Variants in IGSF11 observed in about 807,000 individuals in gnomAD.
IGSF11 encodes the protein immunoglobulin superfamily member 11.
Under a neutral mutation model 41.0 loss-of-function variants are expected in IGSF11, and 22 were observed. The observed-to-expected ratio is 0.54, with a 90% CI of 0.38 to 0.77. The LOEUF (loss-of-function observed/expected upper bound fraction) is 0.77, where lower values mean the gene tolerates loss of function less well. Among genes scored for constraint, IGSF11 ranks in the 30% least tolerant of loss-of-function variants. The pLI is 0.00. For missense variants in IGSF11, 444 were observed against 530.8 expected, an observed-to-expected ratio of 0.84 and a Z score of 1.61; for synonymous variants, 219 against 201.3, an observed-to-expected ratio of 1.09 and a Z score of -0.74.
chr3:118,985,699 A>G (rs552662518), intron 1 of IGSF11, among the ~76,000 whole-genome samples: 166 of 152,126 alleles, frequency 1.1e-3, no homozygotes, highest in Middle Eastern at 6.8e-3. Flanking sequence ...ACTATCACTC[A>G]TTTTACCTCC....
At chr3:119,126,720 G>A (rs1049278644) in intron 1 of IGSF11, among the ~76,000 whole-genome samples, 2 of 152,062 alleles carry the variant, frequency 1.3e-5, no homozygotes, top group Non-Finnish European at 2.9e-5. Context: ...TCCAGGCACG[G>A]GAGCAAATCA....
intron 1 of IGSF11, among the ~76,000 whole-genome samples, chr3:119,049,610 GCTA>G (rs1490364863): frequency 3.3e-5 from 5 of 151,650 alleles, no homozygotes; most frequent in Non-Finnish European, 1.5e-5. Flanking sequence ...TCCCCATCAA[GCTA>G]CCAATGACTT....
intron 1 of IGSF11, among the ~76,000 whole-genome samples, chr3:119,057,251 A>T (rs1941879311): frequency 6.6e-6 from 1 of 152,234 alleles, no homozygotes; most frequent in African/African-American, 2.4e-5. Context: ...AATCTCCTTA[A>T]GCTCATAAGC....
Position 119,096,685 on chromosome 3 carries a change from A to C in IGSF11, c.49+8459T>G, listed in dbSNP as rs776754032. Among the ~76,000 whole-genome samples the C allele has an allele frequency of 6.9e-4, 105 of 152,210 alleles. 3 individuals are homozygous for C. The highest frequency in any genetic ancestry group is 3.4e-4 in the Non-Finnish European group (23 of 68,026). The stretch of plus-strand genomic sequence containing the variant: ...CTTTATGTCCAGTGGCACAGTGGGA[A>C]AAGACTAGAAATTCAAACATGACTT... On this transcript the variant is annotated intron_variant, in intron 1 of 6. Coordinates refer to the IGSF11 transcript ENST00000354673.
intron 1 of IGSF11, among the ~76,000 whole-genome samples, chr3:119,100,438 T>A (rs1366836859): frequency 6.6e-6 from 1 of 152,206 alleles, no homozygotes; most frequent in East Asian, 1.9e-4. Context: ...CAGGTAGAAA[T>A]ATTTTGAAGC....
In IGSF11 at chr3:119,044,495, T is replaced by A. The variant is rs181432307; in HGVS notation, c.49+60649A>T. On this transcript the variant is annotated intron_variant, in intron 1 of 6. Transcript: ENST00000354673. ...AGTTTGGAAAAAGTATTTGAGGAAA[T>A]AATTGAGGAAAACTTCCCTGGTCTT... Among the ~76,000 whole-genome samples the A allele has an allele frequency of 1.3e-3, 195 of 152,234 alleles. 2 individuals are homozygous for A. The highest frequency in any genetic ancestry group is 4.2e-3 in the African/African-American group (175 of 41,562).
chr3:119,028,365 T>C (rs1940026803), intron 1 of IGSF11, among the ~76,000 whole-genome samples: 1 of 152,148 alleles, frequency 6.6e-6, no homozygotes. Context: ...TAGAAAAGTG[T>C]CTCCAGTACT....
At chr3:119,107,499 G>A (rs376565035), upstream of IGSF11, among the ~76,000 whole-genome samples, 2,759 of 152,002 alleles carry the variant, frequency 0.018, 83 homozygotes, top group African/African-American at 0.063. Context: ...CCTTTGTCAG[G>A]TGAGTAGGTT....
At position 119,123,902 on chromosome 3, in the gene IGSF11, G is replaced by A. The variant is rs575536486; in HGVS notation, c.-13-18697C>T. On this transcript the variant is annotated intron_variant, in intron 1 of 7. Coordinates refer to the IGSF11 transcript ENST00000425327. Reference sequence around the variant, plus strand: ...TTCTGAAAAGGATGGGTACAAATAAGCCCAGACTGTGAAGACTACAATAAA... The same window carrying A: ...TTCTGAAAAGGATGGGTACAAATAAACCCAGACTGTGAAGACTACAATAAA... 1.7e-4 allele frequency among the ~76,000 whole-genome samples: 26 copies of A among 152,282 alleles called. No individual in the cohort carries two copies. The South Asian group carries it at 3.5e-3, about 21-fold the overall frequency.
At chr3:119,095,926 C>T (rs2076841976) in intron 1 of IGSF11, among the ~76,000 whole-genome samples, 2 of 152,118 alleles carry the variant, frequency 1.3e-5, no homozygotes, top group South Asian at 4.1e-4. Flanking sequence ...ACTCAGGGCC[C>T]ATGGAAGATT....
intron 1 of IGSF11, among the ~76,000 whole-genome samples, chr3:119,032,090 CAG>C (rs906273397): frequency 4.6e-5 from 7 of 152,112 alleles, no homozygotes. Flanking sequence ...ACAGAATAAA[CAG>C]AAATAGAAAC....
chr3:119,007,889 C>A (rs547438137), intron 1 of IGSF11, among the ~76,000 whole-genome samples: 1 of 152,166 alleles, frequency 6.6e-6, no homozygotes, highest in Non-Finnish European at 1.5e-5. Flanking sequence ...ATGTAGTTCA[C>A]TTCCATTGCC....
At chr3:119,128,656 G>A (rs1239645533) in intron 1 of IGSF11, among the ~76,000 whole-genome samples, 2 of 152,182 alleles carry the variant, frequency 1.3e-5, no homozygotes, top group South Asian at 4.1e-4. Context: ...ACAAAGAAGG[G>A]TATTACATAA....
At chr3:119,066,524 G>A (rs531875648) in intron 1 of IGSF11, among the ~76,000 whole-genome samples, 20 of 152,244 alleles carry the variant, frequency 1.3e-4, no homozygotes, top group Middle Eastern at 3.4e-3. Flanking sequence ...GTAGTGTGCT[G>A]GAGCAGCTCA....
At chr3:118,904,874 G>A (rs572368463) in intron 5 of IGSF11, 76 bp from the exon 6 acceptor site, 50 of 1,193,246 alleles carry the variant, frequency 4.2e-5, no homozygotes, top group Middle Eastern at 2.2e-4. Context: ...ACTGTAATAA[G>A]CACATAAGCT....
intron 1 of IGSF11, among the ~76,000 whole-genome samples, chr3:119,044,817 G>C (rs1004944504): frequency 6.6e-6 from 1 of 152,162 alleles, no homozygotes; most frequent in African/African-American, 2.4e-5. Flanking sequence ...CTTCATAAAC[G>C]AAGGAGAGAT....
chr3:119,045,172 T>C (rs907779174), intron 1 of IGSF11, among the ~76,000 whole-genome samples: 1 of 152,242 alleles, frequency 6.6e-6, no homozygotes, highest in Non-Finnish European at 1.5e-5. Context: ...AGCTCCGGTC[T>C]ACAGCTCCCA....
At chr3:119,083,405 A>G (rs934037492) in intron 1 of IGSF11, among the ~76,000 whole-genome samples, 3 of 151,834 alleles carry the variant, frequency 2.0e-5, no homozygotes, top group Admixed American at 2.0e-4. Context: ...ACCTGGTAAG[A>G]CTATTTCTAT....
chr3:118,903,687 T>C (rs1939210376), intron 6 of IGSF11, among the ~76,000 whole-genome samples: 1 of 152,218 alleles, frequency 6.6e-6, no homozygotes, highest in African/African-American at 2.4e-5. Flanking sequence ...AACCAATTCA[T>C]TTAACATTTA....
Sources: allele counts gnomAD v4.1 joint callset (sites outside exome capture counted in the v4.1 genomes callset), GRCh38; gene constraint gnomAD v4.1.1; transcripts MANE v1.5; gene names NCBI Gene and HGNC (gene_info 2026-07-23, HGNC 2026-07-21).